Variants in DNAH2 observed in about 807,000 individuals in gnomAD.
DNAH2 encodes the protein dynein axonemal heavy chain 2, also known as axonemal beta dynein heavy chain 2.
A neutral mutation model predicts 523.5 loss-of-function variants in DNAH2; 323 were observed. The ratio of observed to expected loss-of-function variants is 0.62; its 90% CI spans 0.56 to 0.68. The LOEUF is 0.68. Among genes scored for constraint, DNAH2 ranks in the 30% least tolerant of loss-of-function variants. The pLI is 0.00. For missense variants in DNAH2, 4,907 were observed against 5,701.5 expected, an observed-to-expected ratio of 0.86 and a Z score of 4.49; for synonymous variants, 2,093 against 2,177.4, an observed-to-expected ratio of 0.96 and a Z score of 1.08.
chr17:7,817,206 AG>A, intron 64 of DNAH2, 83 bp from the exon 65 acceptor site: 2 of 1,516,728 alleles, frequency 1.3e-6, no homozygotes, highest in Non-Finnish European at 1.8e-6. Context: ...GACAGTGTCC[AG>A]AAGAGGGTGC....
rs756804237 is a variant in DNAH2 at position 7,780,269 on chromosome 17, C to T, written c.5835C>T (p.Gly1945=). 6.2e-7 allele frequency: 1 copy of T among 1,614,110 alleles called. No homozygotes were observed. Among genetic ancestry groups the T allele is most frequent in the Non-Finnish European group, 8.5e-7 (1 of 1,180,014 alleles). Residue 1945 remains glycine, a synonymous_variant, in exon 37 of 86, where the codon GGC becomes GGT. Coordinates refer to ENST00000572933, the MANE Select transcript of DNAH2 (RefSeq NM_020877.5). The surrounding 1 kb of genome is among the most constrained non-coding windows in gnomAD (Gnocchi z 4.4). The part of the protein sequence containing the change: ...LIAEIILFGE[G]FGNCKILAKK... ...CAGAAATCATTCTCTTTGGAGAGGG[C>T]TTTGGCAACTGCAAGGTACTCCAAT...
In DNAH2 at chr17:7,780,139, A is replaced by C. The variant is rs1339503420; in HGVS notation, c.5723-18A>C. On this transcript the variant is annotated intron_variant, in intron 36 of 85. Coordinates refer to ENST00000572933, the MANE Select transcript of DNAH2 (RefSeq NM_020877.5). The surrounding 1 kb of genome is among the most constrained non-coding windows in gnomAD (Gnocchi z 4.4). The stretch of plus-strand genomic sequence containing the variant: ...ATGAGGAAATATATGATTCTAAGCA[A>C]GTGGCATTGTTTTCCAGGCTATGCT... The C allele has an allele frequency of 1.9e-6, 3 of 1,601,370 alleles. No individual in the cohort carries two copies. Among genetic ancestry groups the C allele is most frequent in the South Asian group, 2.2e-5 (2 of 90,060 alleles).
chr17:7,750,386 C>G (rs2075650943), intron 12 of DNAH2, among the ~76,000 whole-genome samples: 1 of 152,206 alleles, frequency 6.6e-6, no homozygotes. Context: ...AGCAGTTACC[C>G]CGGGACTTCC....
chr17:7,790,221 T>C (rs2076860052), intron 44 of DNAH2, among the ~76,000 whole-genome samples: 1 of 152,234 alleles, frequency 6.6e-6, no homozygotes, highest in African/African-American at 2.4e-5. Flanking sequence ...ATTATTAAGT[T>C]GGTACATTTT....
At chr17:7,742,815 A>T in intron 11 of DNAH2, 113 bp from the exon 12 acceptor site, 1 of 617,678 alleles carries the variant, frequency 1.6e-6, no homozygotes, top group Non-Finnish European at 2.4e-6. Context: ...AGCAAGCCTT[A>T]TGCATATTGT....
intron 8 of DNAH2, 131 bp downstream of exon 8, chr17:7,737,389 G>A (rs2075173313): frequency 3.1e-6 from 3 of 979,754 alleles, no homozygotes; most frequent in Non-Finnish European, 4.5e-6. Context: ...CTCAGAGACT[G>A]AGCTCAGAAG....
At chr17:7,799,906 TTGTGTAA>T (rs2151290597) in intron 56 of DNAH2, among the ~76,000 whole-genome samples, 1 of 152,356 alleles carries the variant, frequency 6.6e-6, no homozygotes, top group African/African-American at 2.4e-5. Flanking sequence ...ACTCACACTG[TTGTGTAA>T]CAGCTCCAGA....
At chr17:7,728,278 T>C (rs539154248) in intron 4 of DNAH2, among the ~76,000 whole-genome samples, 1 of 152,278 alleles carries the variant, frequency 6.6e-6, no homozygotes, top group Non-Finnish European at 1.5e-5. Flanking sequence ...TAAAATTCTT[T>C]GAACTTTTCT....
rs751824766 is a variant in DNAH2, at chr17:7,757,133, G to T, written c.1947G>T (p.Arg649=). 1 of 1,614,198 alleles carries T rather than the reference G, an allele frequency of 6.2e-7. No homozygotes were observed. The highest frequency in any genetic ancestry group is 1.1e-5 in the South Asian group (1 of 91,088). The stretch of plus-strand genomic sequence containing the variant: ...TTGCGGAAATTGACTACTGGGAGCG[G>T]CTGCTGTTTGAGACGCCCCATTACG... ...ILFAEIDYWE[R]LLFETPHYVV... Residue 649 remains arginine (R), a synonymous_variant, in exon 13 of 86, where the codon CGG becomes CGT. Coordinates refer to ENST00000572933, the MANE Select transcript of DNAH2 (RefSeq NM_020877.5).
chr17:7,780,918 C>CCG lies in DNAH2; in HGVS notation c.6004-122_6004-121dup. 3.8e-6 allele frequency: 6 copies of CCG among 1,582,338 alleles called. No individual in the cohort carries two copies. The Admixed American group carries it at 1.0e-4, about 27-fold the overall frequency. ...CCACCTCGTCCCATCCCCGTGTTGCCCGCTGCTTTGCTAATGGCTAACTGG... is the reference window on the plus strand; with the variant it reads ...CCACCTCGTCCCATCCCCGTGTTGCCCGCGCTGCTTTGCTAATGGCTAACTGG... On this transcript the variant is annotated intron_variant, in intron 38 of 85. Coordinates refer to ENST00000572933, the MANE Select transcript of DNAH2 (RefSeq NM_020877.5). The surrounding 1 kb of genome is among the most constrained non-coding windows in gnomAD (Gnocchi z 4.4).
rs941023477 is a variant in DNAH2 at position 7,818,334 on chromosome 17, T to C, written c.10410T>C (p.Ile3470=). The part of the protein sequence containing the change: ...ARIGGRLLMR[I]GDKEVEYNTN... The stretch of plus-strand genomic sequence containing the variant: ...CAGGTGGTCGGCTGTTGATGCGCAT[T>C]GGCGATAAGGAGGTGGAATATAATA... Residue 3470 remains isoleucine, a synonymous_variant, in exon 69 of 86, where the codon ATT becomes ATC. Transcript: ENST00000572933. 6.2e-7 allele frequency: 1 copy of C among 1,613,976 alleles called. No individual in the cohort carries two copies. The highest frequency in any genetic ancestry group is 1.3e-5 in the African/African-American group (1 of 74,906).
chr17:7,821,113 A>C lies in DNAH2; in HGVS notation c.11016-130A>C. 1 of 1,306,324 alleles carries C rather than the reference A, an allele frequency of 7.7e-7. No homozygotes were observed. The highest frequency in any genetic ancestry group is 1.0e-6 in the Non-Finnish European group (1 of 971,822). The allele number at this position is 1,306,324 out of a possible 1,614,324, so 80.9% of individuals were successfully genotyped here. A position where few individuals can be genotyped will look rare whatever the true frequency, so the allele number is the denominator to read the frequency against. On this transcript the variant is annotated intron_variant, in intron 72 of 85. Coordinates refer to ENST00000572933, the MANE Select transcript of DNAH2 (RefSeq NM_020877.5). The surrounding 1 kb of genome is among the most constrained non-coding windows in gnomAD (Gnocchi z 5.0). ...GGCCCCTGAGTCCTCAGCTGTTTCCAGGAGGTTAGGATTAGAGGCTGGTGA... is the reference window on the plus strand; with the variant it reads ...GGCCCCTGAGTCCTCAGCTGTTTCCCGGAGGTTAGGATTAGAGGCTGGTGA...
chr17:7,719,879 G>A lies in DNAH2; in HGVS notation c.145G>A (p.Glu49Lys), dbSNP rs2074544687. 3 of 1,573,120 alleles carry A rather than the reference G, an allele frequency of 1.9e-6. No individual in the cohort carries two copies. Among genetic ancestry groups the A allele is most frequent in the Non-Finnish European group, 2.6e-6 (3 of 1,160,224 alleles). The change falls in exon 2 of 86, where the codon GAG becomes AAG. Residue 49 changes from glutamate (E) to lysine (K), a missense_variant. Physicochemically the swap from Glu to Lys is moderately conservative, Grantham distance 56. Transcript: ENST00000572933. ...TGTCAGTGAGCCAGAGCTGCAGGCT[G>A]AGCTCCCCAAGGAGGAGCCTGGTGG... ...PAVSEPELQA[E>K]LPKEEPEPRL... is the part of the protein sequence containing the mutation.
chr17:7,804,560 TAGTGACTG>T, intron 59 of DNAH2, 94 bp downstream of exon 59: 1 of 1,412,726 alleles, frequency 7.1e-7, no homozygotes, highest in Admixed American at 2.0e-5. Flanking sequence ...AAATTTTCTT[TAGTGACTG>T]GGTGCAGTGG....
chr17:7,785,979 A>G (rs1368575650), intron 39 of DNAH2, 145 bp from the exon 40 acceptor site: 3 of 780,190 alleles, frequency 3.8e-6, no homozygotes, highest in Middle Eastern at 3.7e-4. Flanking sequence ...CAGCTTCCCA[A>G]TGAGTGAACA....
At chr17:7,727,798 T>C (rs1018159832) in intron 4 of DNAH2, among the ~76,000 whole-genome samples, 1 of 143,752 alleles carries the variant, frequency 7.0e-6, no homozygotes, top group African/African-American at 2.6e-5. Context: ...CCTGGTCTAG[T>C]GGGGAAGACA....
intron 22 of DNAH2, 85 bp downstream of exon 22, chr17:7,766,566 T>C (rs1272795257): frequency 7.1e-7 from 1 of 1,408,054 alleles, no homozygotes; most frequent in South Asian, 1.5e-5. Context: ...ACAAAGGCAG[T>C]GGGAAGGGAG....
chr17:7,812,202 A>G (rs2077535163), intron 63 of DNAH2, among the ~76,000 whole-genome samples: 1 of 152,240 alleles, frequency 6.6e-6, no homozygotes, highest in South Asian at 2.1e-4. Flanking sequence ...AAGAGATACA[A>G]TCTAACCAAT....
intron 73 of DNAH2, among the ~76,000 whole-genome samples, chr17:7,822,022 C>T (rs997057495): frequency 1.3e-5 from 2 of 152,112 alleles, no homozygotes; most frequent in Non-Finnish European, 2.9e-5. Flanking sequence ...GTGGCTGGAC[C>T]GCAGTGGCAG....
Sources: allele counts gnomAD v4.1 joint callset (sites outside exome capture counted in the v4.1 genomes callset), GRCh38; gene constraint gnomAD v4.1.1; non-coding constraint Gnocchi (gnomAD v3.1); transcripts MANE v1.5; gene names NCBI Gene and HGNC (gene_info 2026-07-23, HGNC 2026-07-21).